The following RNF38 variants were observed in gnomAD, a reference collection of about 807,000 sequenced individuals.
RNF38 encodes E3 ubiquitin-protein ligase RNF38.
A neutral mutation model predicts 67.2 loss-of-function variants in RNF38; 15 were observed. The ratio of observed to expected loss-of-function variants is 0.22; its 90% confidence interval spans 0.15 to 0.34. The LOEUF is 0.34. Ranked by LOEUF, RNF38 falls within the 10% of genes least tolerant of loss-of-function variation. The pLI, the probability that RNF38 is intolerant of heterozygous loss-of-function variation, is 1.00. For synonymous variants in RNF38, 220 were observed against 218.8 expected, an observed-to-expected ratio of 1.01 and a Z score of -0.05; for missense variants, 524 against 639.9, an observed-to-expected ratio of 0.82 and a Z score of 1.95.
At chr9:36,441,510 G>C (rs1839190389) in intron 1 of RNF38, among the ~76,000 whole-genome samples, 1 of 152,036 alleles carries the variant, frequency 6.6e-6, no homozygotes, top group Admixed American at 6.6e-5. Context: ...ATTTTTAGTA[G>C]AGCGGGGTTT....
chr9:36,465,367 A>G lies in RNF38; in HGVS notation n.241+21941T>C, dbSNP rs147266146. 8.8e-4 allele frequency among the ~76,000 whole-genome samples: 134 copies of G among 152,238 alleles called. 2 individuals carry two copies. Among genetic ancestry groups the G allele is most frequent in the Admixed American group, 6.7e-3 (102 of 15,288 alleles). On this transcript the variant is annotated intron_variant and non_coding_transcript_variant, in intron 1 of 3. Coordinates refer to the RNF38 transcript ENST00000488058. Reference sequence around the variant, plus strand: ...CTTTTTTTCTTTTTTTTCTTTCAAGATGGAGTTTCGCTCTTGTTGCCCAGG... The same window carrying G: ...CTTTTTTTCTTTTTTTTCTTTCAAGGTGGAGTTTCGCTCTTGTTGCCCAGG...
intron 1 of RNF38, among the ~76,000 whole-genome samples, chr9:36,427,271 G>A (rs540192982): frequency 6.6e-6 from 1 of 152,224 alleles, no homozygotes; most frequent in South Asian, 2.1e-4. Context: ...AAAGGAAAAG[G>A]GGAAGAAAGG....
At chr9:36,383,233 C>T (rs976892377) in intron 2 of RNF38, among the ~76,000 whole-genome samples, 21 of 152,124 alleles carry the variant, frequency 1.4e-4, no homozygotes, top group Non-Finnish European at 2.4e-4. Flanking sequence ...GACAGAGTCT[C>T]GCTCTGCTGC....
At chr9:36,362,455 C>T (rs1834624993) in intron 4 of RNF38, among the ~76,000 whole-genome samples, 1 of 108,236 alleles carries the variant, frequency 9.2e-6, no homozygotes, top group Non-Finnish European at 1.9e-5. Context: ...ACATAAAGCA[C>T]GAACATCAAG....
At chr9:36,340,082 C>T (rs1211157641) in intron 11 of RNF38, among the ~76,000 whole-genome samples, 7 of 152,060 alleles carry the variant, frequency 4.6e-5, no homozygotes, top group African/African-American at 7.2e-5. Flanking sequence ...TGGGTTCAAG[C>T]GATTCTCCCG....
chr9:36,343,759 T>C (rs924884246), intron 10 of RNF38, among the ~76,000 whole-genome samples: 4 of 152,036 alleles, frequency 2.6e-5, no homozygotes, highest in South Asian at 2.1e-4. Context: ...AGCTACAATA[T>C]AGAAAAAGTT....
chr9:36,374,667 C>T (rs1003640582), intron 3 of RNF38, among the ~76,000 whole-genome samples: 2 of 152,110 alleles, frequency 1.3e-5, no homozygotes, highest in Non-Finnish European at 2.9e-5. Context: ...TTTTTTGCAT[C>T]TTAGTAGAGA....
Position 36,417,771 on chromosome 9 carries a change from A to G in RNF38, n.312+6842T>C, listed in dbSNP as rs563834164. ...AGTGACCTGCCTGCCTTGGCCTCCCAATCTGCTGGGATTACAAGCATGAGC... is the reference window on the plus strand; with the variant it reads ...AGTGACCTGCCTGCCTTGGCCTCCCGATCTGCTGGGATTACAAGCATGAGC... On this transcript the variant is annotated intron_variant and non_coding_transcript_variant, in intron 2 of 3. Transcript: ENST00000488058. 7.9e-5 allele frequency among the ~76,000 whole-genome samples: 12 copies of G among 152,238 alleles called. No individual in the cohort carries two copies. The South Asian group carries it at 2.3e-3, about 29-fold the overall frequency.
intron 8 of RNF38, 43 bp from the exon 9 acceptor site, chr9:36,351,242 T>C (rs542026966): frequency 6.7e-6 from 9 of 1,335,116 alleles, no homozygotes; most frequent in Non-Finnish European, 9.6e-6. Context: ...TGTTAGTACA[T>C]TAAATCAATG....
chr9:36,356,237 A>C, intron 6 of RNF38, 66 bp downstream of exon 6: 1 of 1,508,528 alleles, frequency 6.6e-7, no homozygotes, highest in Non-Finnish European at 9.1e-7. Context: ...CCTGGCCTAA[A>C]CATTCTGAAA....
intron 1 of RNF38, among the ~76,000 whole-genome samples, chr9:36,483,750 A>C (rs1431035406): frequency 2.0e-5 from 3 of 152,164 alleles, no homozygotes. Context: ...ACATAATGAC[A>C]TGTTTACCTT....
At chr9:36,468,419 T>G (rs943484629) in intron 1 of RNF38, among the ~76,000 whole-genome samples, 1 of 152,208 alleles carries the variant, frequency 6.6e-6, no homozygotes, top group Non-Finnish European at 1.5e-5. Context: ...CTAAGAGTTC[T>G]TTATCTGGGG....
chr9:36,444,980 A>G (rs1398073811), intron 1 of RNF38, among the ~76,000 whole-genome samples: 1 of 134,212 alleles, frequency 7.5e-6, no homozygotes, highest in African/African-American at 2.9e-5. Flanking sequence ...TTAATCCACT[A>G]TCCCTCAGAC....
chr9:36,443,761 G>A (rs1210204667), intron 1 of RNF38, among the ~76,000 whole-genome samples: 1 of 152,218 alleles, frequency 6.6e-6, no homozygotes, highest in African/African-American at 2.4e-5. Context: ...CATCCATCTG[G>A]TTTCCATGAC....
chr9:36,353,260 A>C lies in RNF38; in HGVS notation c.981T>G (p.Pro327=). 3.7e-6 allele frequency: 6 copies of C among 1,613,524 alleles called. No individual in the cohort carries two copies. The highest frequency in any genetic ancestry group is 4.2e-6 in the Non-Finnish European group (5 of 1,179,666). The part of the protein sequence containing the change: ...EHLPVGGFTY[P]PSAHPPTLPP... ...GTAATGTTGGGGGGTGGGCTGATGGAGGGTAAGTAAAACCTCCTACTGGAA... is the reference window on the plus strand; with the variant it reads ...GTAATGTTGGGGGGTGGGCTGATGGCGGGTAAGTAAAACCTCCTACTGGAA... The change falls in exon 7 of 12, where the codon CCT becomes CCG. Residue 327 remains proline (P), a synonymous_variant. Transcript: ENST00000259605.
intron 4 of RNF38, among the ~76,000 whole-genome samples, chr9:36,367,100 A>C (rs560003809): frequency 6.6e-6 from 1 of 152,326 alleles, no homozygotes; most frequent in African/African-American, 2.4e-5. Context: ...GGTCTCCTAT[A>C]TAGAAAGTGA....
intron 3 of RNF38, among the ~76,000 whole-genome samples, chr9:36,373,096 A>G (rs1835508318): frequency 6.6e-6 from 1 of 152,184 alleles, no homozygotes; most frequent in Admixed American, 6.5e-5. Context: ...AATCCCAGCT[A>G]CTTGTGAGGC....
chr9:36,384,236 A>C (rs1206527493), intron 2 of RNF38, among the ~76,000 whole-genome samples: 1 of 152,382 alleles, frequency 6.6e-6, no homozygotes, highest in East Asian at 1.9e-4. Flanking sequence ...CAAAAAATCT[A>C]AAGTATAAAC....
At chr9:36,401,356 A>G (rs1838025990), upstream of RNF38, among the ~76,000 whole-genome samples, 1 of 151,348 alleles carries the variant, frequency 6.6e-6, no homozygotes. Flanking sequence ...ATTCCTATAG[A>G]TTTTCTCTTA....
Sources: gnomAD v4.1 joint callset for allele counts (sites outside exome capture counted in the v4.1 genomes callset) on GRCh38, gnomAD v4.1.1 for gene constraint, MANE v1.5 for transcripts, NCBI Gene and HGNC (gene_info 2026-07-23, HGNC 2026-07-21) for gene names.